Variants in LPP observed in about 807,000 individuals in gnomAD.
LPP encodes lipoma-preferred partner.
A neutral mutation model predicts 60.4 loss-of-function variants in LPP; 38 were observed. The observed-to-expected ratio is 0.63, with a 90% CI of 0.49 to 0.83. The LOEUF (loss-of-function observed/expected upper bound fraction) is 0.83, where lower values mean the gene tolerates loss of function less well. LPP is among the 40% of genes least tolerant of loss of function. The pLI is 0.00. For missense variants in LPP, 902 were observed against 783.6 expected, an observed-to-expected ratio of 1.15 and a Z score of -1.80; for synonymous variants, 328 against 290.8, an observed-to-expected ratio of 1.13 and a Z score of -1.30.
chr3:188,659,652 C>T (rs930746151), intron 7 of LPP, among the ~76,000 whole-genome samples: 6 of 152,176 alleles, frequency 3.9e-5, no homozygotes, highest in African/African-American at 1.4e-4. Flanking sequence ...CTCCTAACTC[C>T]CCACGGATTG....
At chr3:188,582,648 C>T (rs888482878) in intron 6 of LPP, among the ~76,000 whole-genome samples, 1 of 152,114 alleles carries the variant, frequency 6.6e-6, no homozygotes, top group African/African-American at 2.4e-5. Flanking sequence ...TCTTCAGATT[C>T]AATTGTTTCT....
intron 4 of LPP, among the ~76,000 whole-genome samples, chr3:188,417,441 C>T (rs959928889): frequency 1.3e-5 from 2 of 151,994 alleles, no homozygotes; most frequent in Non-Finnish European, 2.9e-5. Context: ...GTAAAGGGAA[C>T]AGCATGTGCA....
At chr3:188,424,580 A>G (rs112675460) in intron 4 of LPP, among the ~76,000 whole-genome samples, 2 of 152,072 alleles carry the variant, frequency 1.3e-5, no homozygotes, top group African/African-American at 4.8e-5. Flanking sequence ...ATTCTTATCC[A>G]TGAGCATGGA....
intron 1 of LPP, among the ~76,000 whole-genome samples, chr3:188,188,617 G>A (rs747661876): frequency 3.3e-4 from 50 of 151,982 alleles, no homozygotes; most frequent in Non-Finnish European, 6.6e-4. Flanking sequence ...AATTCCCATT[G>A]AGAATATGCT....
At chr3:188,869,386 G>A (rs1374373679) in intron 10 of LPP, among the ~76,000 whole-genome samples, 1 of 152,166 alleles carries the variant, frequency 6.6e-6, no homozygotes, top group Non-Finnish European at 1.5e-5. Context: ...TGCCTCCCAT[G>A]TTCAAGCAAT....
intron 8 of LPP, chr3:188,710,483 A>G (rs1000729189): frequency 2.0e-5 from 3 of 152,234 alleles, no homozygotes; most frequent in Non-Finnish European, 4.4e-5. Flanking sequence ...AAGTATAACA[A>G]TAAAGCTAAA....
At chr3:188,329,933 A>G (rs951821120) in intron 2 of LPP, among the ~76,000 whole-genome samples, 1 of 152,152 alleles carries the variant, frequency 6.6e-6, no homozygotes, top group African/African-American at 2.4e-5. Context: ...TGTGCAAGCA[A>G]TTATCATCCT....
intron 1 of LPP, among the ~76,000 whole-genome samples, chr3:188,200,518 C>G (rs1003453393): frequency 3.9e-5 from 6 of 152,158 alleles, no homozygotes; most frequent in Non-Finnish European, 7.3e-5. Flanking sequence ...ACTGCTGAGG[C>G]CTCAGAAACT....
At chr3:188,814,139 T>G (rs1460083326) in intron 9 of LPP, among the ~76,000 whole-genome samples, 1 of 152,058 alleles carries the variant, frequency 6.6e-6, no homozygotes, top group Non-Finnish European at 1.5e-5. Flanking sequence ...ACACGTCTAT[T>G]TAGCATCTGT....
intron 9 of LPP, among the ~76,000 whole-genome samples, chr3:188,782,367 C>T (rs1447302630): frequency 6.6e-6 from 1 of 152,118 alleles, no homozygotes; most frequent in Non-Finnish European, 1.5e-5. Context: ...AATTTGAACC[C>T]AGATCCTGCT....
At chr3:188,570,783 G>A (rs1315234011) in intron 6 of LPP, among the ~76,000 whole-genome samples, 1 of 151,718 alleles carries the variant, frequency 6.6e-6, no homozygotes, top group African/African-American at 2.4e-5. Flanking sequence ...TCTAGTAGAC[G>A]ACATTGTATG....
rs115297320 is a variant in LPP at position 188,206,153 on chromosome 3, C to T, written c.-189-19252C>T. Among the ~76,000 whole-genome samples the T allele has an allele frequency of 1.1e-3, 175 of 152,272 alleles. 2 individuals are homozygous for T. The highest frequency in any genetic ancestry group is 3.9e-3 in the African/African-American group (160 of 41,558). On this transcript the variant is annotated intron_variant, in intron 1 of 11. Coordinates refer to ENST00000617246, the MANE Select transcript of LPP (RefSeq NM_001375462.1). ...TTTGTTAGACACACCTCCTTTAATTCAAATCCCCGTCTCAGTGGGACATGG... is the reference window on the plus strand; with the variant it reads ...TTTGTTAGACACACCTCCTTTAATTTAAATCCCCGTCTCAGTGGGACATGG...
chr3:188,469,356 TGGTGGC>T (rs1359380237), intron 4 of LPP, among the ~76,000 whole-genome samples: 5 of 151,728 alleles, frequency 3.3e-5, no homozygotes, highest in East Asian at 3.9e-4. Flanking sequence ...GTGGTTGTGG[TGGTGGC>T]GGTTGTTTTG....
chr3:188,169,623 T>C (rs953311059), intron 1 of LPP, among the ~76,000 whole-genome samples: 27 of 152,206 alleles, frequency 1.8e-4, no homozygotes, highest in African/African-American at 6.5e-4. Flanking sequence ...TTTGAGACTT[T>C]AATAAACGAA....
At chr3:188,798,112 T>C (rs924639374) in intron 9 of LPP, among the ~76,000 whole-genome samples, 10 of 152,116 alleles carry the variant, frequency 6.6e-5, no homozygotes, top group African/African-American at 2.2e-4. Context: ...TGTGTTGACA[T>C]TGAATGTTTG....
At chr3:188,210,512 G>A (rs189709451) in intron 1 of LPP, among the ~76,000 whole-genome samples, 1 of 152,284 alleles carries the variant, frequency 6.6e-6, no homozygotes, top group Non-Finnish European at 1.5e-5. Flanking sequence ...ATACCAATGG[G>A]GCAGGCACTG....
intron 2 of LPP, among the ~76,000 whole-genome samples, chr3:188,233,076 G>C (rs1276387894): frequency 6.6e-6 from 1 of 152,140 alleles, no homozygotes; most frequent in Non-Finnish European, 1.5e-5. Flanking sequence ...GATTGGCCTA[G>C]ACCTGCAGCG....
chr3:188,282,003 G>A (rs1742261616), intron 2 of LPP, among the ~76,000 whole-genome samples: 1 of 151,718 alleles, frequency 6.6e-6, no homozygotes, highest in Non-Finnish European at 1.5e-5. Context: ...TTGCCCTTTG[G>A]GAGACGTTTC....
chr3:188,373,267 C>T lies in LPP; in HGVS notation c.-10+31548C>T, dbSNP rs376578310. On this transcript the variant is annotated intron_variant, in intron 3 of 11. Coordinates refer to ENST00000617246, the MANE Select transcript of LPP (RefSeq NM_001375462.1). ...AAATGGTATTTCTAGTTCTAGATCC[C>T]TGAGGAATCGCCACACTGACTTCCA... is the stretch of plus-strand genomic sequence containing the variant. Among the ~76,000 whole-genome samples the T allele has an allele frequency of 6.6e-5, 10 of 152,276 alleles. No homozygotes were observed. The East Asian group carries it at 1.7e-3, about 26-fold the overall frequency.
Sources: gnomAD v4.1 joint callset for allele counts (sites outside exome capture counted in the v4.1 genomes callset) on GRCh38, gnomAD v4.1.1 for gene constraint, MANE v1.5 for transcripts, NCBI Gene and HGNC (gene_info 2026-07-23, HGNC 2026-07-21) for gene names.